The following LNX2 variants were observed in gnomAD, a reference collection of about 807,000 sequenced individuals.
The protein encoded by LNX2 is ligand of numb-protein X 2.
In LNX2, 35 loss-of-function variants were observed where a neutral mutation model predicts 66.2. The ratio of observed to expected loss-of-function variants is 0.53; its 90% CI spans 0.40 to 0.70. LNX2 has a LOEUF of 0.70. LNX2 is among the 30% of genes least tolerant of loss of function. LNX2 has a pLI of 0.00. For missense variants in LNX2, 791 were observed against 850.8 expected, an observed-to-expected ratio of 0.93 and a Z score of 0.87; for synonymous variants, 337 against 315.6, an observed-to-expected ratio of 1.07 and a Z score of -0.72.
intron 1 of LNX2, among the ~76,000 whole-genome samples, chr13:27,593,734 T>TTG (rs373386821): frequency 0.06 from 8,578 of 143,824 alleles, 279 homozygotes; most frequent in Middle Eastern, 0.1. Context: ...CGCCTGGTTT[T>TTG]TGTGTGTGTG....
At chr13:27,583,255 T>TGTGTGCGCGCGC (rs1555268514) in intron 1 of LNX2, among the ~76,000 whole-genome samples, 1 of 58,530 alleles carries the variant, frequency 1.7e-5, no homozygotes, top group East Asian at 7.2e-4. Flanking sequence ...TGTGTGTGTG[T>TGTGTGCGCGCGC]GCGCGCGTCC....
chr13:27,603,007 CTT>C (rs999745204), intron 1 of LNX2, among the ~76,000 whole-genome samples: 3 of 151,980 alleles, frequency 2.0e-5, no homozygotes, highest in African/African-American at 7.2e-5. Flanking sequence ...TAACTTTAAA[CTT>C]TTTTCTACTT....
chr13:27,613,509 T>C (rs561123995), intron 1 of LNX2, among the ~76,000 whole-genome samples: 4 of 152,328 alleles, frequency 2.6e-5, no homozygotes, highest in Non-Finnish European at 4.4e-5. Flanking sequence ...TGGTGGCTCA[T>C]GCCTGTAATC....
intron 1 of LNX2, among the ~76,000 whole-genome samples, chr13:27,590,044 G>A (rs779100742): frequency 3.3e-5 from 5 of 151,784 alleles, no homozygotes; most frequent in Non-Finnish European, 5.9e-5. Context: ...CCGCCTCCCG[G>A]GTTCATGCCA....
intron 6 of LNX2, 108 bp from the exon 7 acceptor site, chr13:27,556,521 ATTT>A: frequency 1.1e-6 from 1 of 923,668 alleles, no homozygotes; most frequent in Non-Finnish European, 1.6e-6. Flanking sequence ...TAAAGTAATT[ATTT>A]TTTATTCCTT....
At chr13:27,606,049 C>A (rs536771101) in intron 1 of LNX2, among the ~76,000 whole-genome samples, 1 of 152,208 alleles carries the variant, frequency 6.6e-6, no homozygotes, top group Non-Finnish European at 1.5e-5. Flanking sequence ...AGAGTGTCCA[C>A]TACAAATATT....
chr13:27,616,063 G>A (rs1300984810), intron 1 of LNX2, among the ~76,000 whole-genome samples: 1 of 151,666 alleles, frequency 6.6e-6, no homozygotes, highest in Non-Finnish European at 1.5e-5. Flanking sequence ...AGATGGTAGG[G>A]GTGCAGCTTG....
intron 5 of LNX2, 26 bp from the exon 6 acceptor site, chr13:27,560,011 A>C: frequency 6.5e-7 from 1 of 1,545,830 alleles, no homozygotes; most frequent in Non-Finnish European, 8.8e-7. Context: ...ATACATTACC[A>C]TAAGTGACTA....
At chr13:27,607,307 A>G (rs1442093170) in intron 1 of LNX2, among the ~76,000 whole-genome samples, 1 of 152,182 alleles carries the variant, frequency 6.6e-6, no homozygotes, top group Admixed American at 6.5e-5. Flanking sequence ...CCTGGTTTCT[A>G]AAAACGCACC....
At chr13:27,578,085 A>G (rs73446855) in intron 2 of LNX2, among the ~76,000 whole-genome samples, 183 of 152,348 alleles carry the variant, frequency 1.2e-3, no homozygotes, top group African/African-American at 4.3e-3. Flanking sequence ...TTTCATAAAT[A>G]TTTTATCTGT....
chr13:27,594,978 C>A (rs941826125), intron 1 of LNX2, among the ~76,000 whole-genome samples: 1 of 152,180 alleles, frequency 6.6e-6, no homozygotes, highest in African/African-American at 2.4e-5. Flanking sequence ...ATTTTCCCTG[C>A]CTGAATACTC....
At chr13:27,550,796 C>CCTATG (rs1954999548) in intron 8 of LNX2, among the ~76,000 whole-genome samples, 2 of 152,196 alleles carry the variant, frequency 1.3e-5, no homozygotes, top group Admixed American at 1.3e-4. Flanking sequence ...AGGTCATGTA[C>CCTATG]CTATATCAGC....
intron 1 of LNX2, among the ~76,000 whole-genome samples, chr13:27,582,705 C>T (rs1955414413): frequency 6.6e-6 from 1 of 151,968 alleles, no homozygotes; most frequent in Admixed American, 6.6e-5. Context: ...AAGAAATGGA[C>T]ACAGGGAGGG....
chr13:27,557,480 C>T (rs1035200220), intron 6 of LNX2, among the ~76,000 whole-genome samples: 12 of 151,946 alleles, frequency 7.9e-5, no homozygotes, highest in African/African-American at 2.9e-4. Context: ...AGAACTATCC[C>T]ATTAAGTGTA....
At chr13:27,605,666 C>T (rs1955706632) in intron 1 of LNX2, among the ~76,000 whole-genome samples, 2 of 152,084 alleles carry the variant, frequency 1.3e-5, no homozygotes, top group South Asian at 4.1e-4. Context: ...GAGCTCCAGT[C>T]CTTAAATGAA....
chr13:27,583,677 C>A (rs1955450070), intron 1 of LNX2, among the ~76,000 whole-genome samples: 1 of 152,136 alleles, frequency 6.6e-6, no homozygotes, highest in Admixed American at 6.5e-5. Context: ...ATATTCAACT[C>A]CAAAGGCAGC....
In LNX2 at chr13:27,581,671, C is replaced by G. The variant is rs1955399966; in HGVS notation, c.33G>C (p.Val11=). The part of the protein sequence containing the change: MGTTSDEMVS[V]EQTSSSSLNP... ...TTAGAGAAGAGGAGGAGGTCTGTTC[C>G]ACAGACACCATCTCATCACTTGTTG... Residue 11 remains valine (V), a synonymous_variant, in exon 2 of 10, where the codon GTG becomes GTC. Transcript: ENST00000316334. 1 of 1,611,204 alleles carries G rather than the reference C, an allele frequency of 6.2e-7. No individual in the cohort carries two copies. The highest frequency in any genetic ancestry group is 1.3e-5 in the African/African-American group (1 of 74,852).
intron 1 of LNX2, among the ~76,000 whole-genome samples, chr13:27,601,021 A>T (rs1281894031): frequency 6.6e-6 from 1 of 152,224 alleles, no homozygotes. Context: ...AACAACCCGG[A>T]AGAGTCTTAT....
intron 6 of LNX2, among the ~76,000 whole-genome samples, chr13:27,556,631 G>A (rs1238475020): frequency 6.6e-6 from 1 of 152,156 alleles, no homozygotes; most frequent in Non-Finnish European, 1.5e-5. Context: ...TTATGTAGCT[G>A]AAAAAACTCA....
Sources: gnomAD v4.1 joint callset for allele counts (sites outside exome capture counted in the v4.1 genomes callset) on GRCh38, gnomAD v4.1.1 for gene constraint, MANE v1.5 for transcripts, NCBI Gene and HGNC (gene_info 2026-07-23, HGNC 2026-07-21) for gene names.